NUDT3: variants seen among roughly 807,000 people sequenced by gnomAD.
NUDT3 encodes the protein diphosphoinositol polyphosphate phosphohydrolase 1.
A neutral mutation model predicts 23.6 loss-of-function variants in NUDT3; 9 were observed. The ratio of observed to expected loss-of-function variants is 0.38; its 90% CI spans 0.23 to 0.66. NUDT3 has a LOEUF of 0.66. Among genes scored for constraint, NUDT3 ranks in the 30% least tolerant of loss-of-function variants. NUDT3 has a pLI of 0.52. For synonymous variants in NUDT3, 86 were observed against 82.6 expected (o/e 1.04, Z -0.22); for missense variants, 172 against 218.5 (o/e 0.79, Z 1.34).
chr6:34,382,814 G>A (rs1463651449), intron 1 of NUDT3, among the ~76,000 whole-genome samples: 2 of 151,598 alleles, frequency 1.3e-5, no homozygotes, highest in Non-Finnish European at 1.5e-5. Context: ...CTGGATGACA[G>A]AGCAAGACCC....
intron 2 of NUDT3, among the ~76,000 whole-genome samples, chr6:34,323,976 TG>T (rs1763984667): frequency 6.6e-6 from 1 of 152,164 alleles, no homozygotes. Flanking sequence ...TAAGCTATAG[TG>T]GGCACTAGCT....
intron 2 of NUDT3, among the ~76,000 whole-genome samples, chr6:34,319,242 AATCT>A (rs1406743574): frequency 6.6e-6 from 1 of 152,142 alleles, no homozygotes; most frequent in African/African-American, 2.4e-5. Flanking sequence ...CTCAATTCTG[AATCT>A]ATCTACCGGA....
At chr6:34,387,673 TAAAAAAAAA>T (rs752125676) in intron 1 of NUDT3, among the ~76,000 whole-genome samples, 10 of 98,780 alleles carry the variant, frequency 1.0e-4, no homozygotes, top group South Asian at 6.2e-4. Flanking sequence ...CATCTCTTTT[TAAAAAAAAA>T]AAAAAAAAAA....
At chr6:34,385,358 C>T (rs1419355140) in intron 1 of NUDT3, among the ~76,000 whole-genome samples, 3 of 151,908 alleles carry the variant, frequency 2.0e-5, no homozygotes, top group East Asian at 1.9e-4. Flanking sequence ...GAGGCCGAGG[C>T]GGGCGGATCA....
At chr6:34,326,837 G>A (rs994116734) in intron 2 of NUDT3, among the ~76,000 whole-genome samples, 11 of 152,100 alleles carry the variant, frequency 7.2e-5, no homozygotes, top group Non-Finnish European at 1.3e-4. Context: ...CTAACCTCAG[G>A]TGATCCACCC....
chr6:34,358,258 TACAC>T (rs71538235), intron 1 of NUDT3, among the ~76,000 whole-genome samples: 499 of 144,646 alleles, frequency 3.4e-3, no homozygotes, highest in East Asian at 0.015. Context: ...ATGAGTAGTT[TACAC>T]ACACACACAC....
Position 34,282,113 on chromosome 6 carries a change from C to A in NUDT3, c.*6640G>T, listed in dbSNP as rs575652917. 5.9e-5 allele frequency: 9 copies of A among 152,298 alleles called. No individual in the cohort carries two copies. In the East Asian group the frequency reaches 1.7e-3, roughly 29 times the overall value. 9.4% of individuals were successfully genotyped at this position (152,298 alleles called of 1,614,324 possible). On this transcript the variant is annotated 3_prime_UTR_variant, in exon 5 of 5. Transcript: ENST00000607016. Reference sequence around the variant, plus strand: ...AGTCATATCTGTTATGCTGCAGGAACTGAGTAACCAAAGCTAGATATCCCT... The same window carrying A: ...AGTCATATCTGTTATGCTGCAGGAAATGAGTAACCAAAGCTAGATATCCCT...
At chr6:34,324,432 G>A (rs547281184) in intron 2 of NUDT3, among the ~76,000 whole-genome samples, 7 of 151,758 alleles carry the variant, frequency 4.6e-5, no homozygotes, top group Non-Finnish European at 8.8e-5. Flanking sequence ...TTTGAGATAG[G>A]GTCTCACTTG....
Position 34,392,654 on chromosome 6 carries a change from G to T in NUDT3, c.-292C>A, listed in dbSNP as rs1350840613. 4 of 211,454 alleles carry T rather than the reference G, an allele frequency of 1.9e-5. No homozygotes were observed. The South Asian group carries it at 6.2e-4, about 33-fold the overall frequency. 13.1% of individuals were successfully genotyped at this position (211,454 alleles called of 1,614,324 possible). A position where few individuals can be genotyped will look rare whatever the true frequency, so the allele number is the denominator to read the frequency against. ...ACGACCGCGCCGCCATCTTGGGCGC[G>T]ATGCGTCAGCGGCGTAAGGCTGCAC... On this transcript the variant is annotated 5_prime_UTR_variant, in exon 1 of 5. Coordinates refer to ENST00000607016, the MANE Select transcript of NUDT3 (RefSeq NM_006703.4).
intron 2 of NUDT3, among the ~76,000 whole-genome samples, chr6:34,316,218 G>C (rs1418995249): frequency 6.6e-6 from 1 of 152,012 alleles, no homozygotes; most frequent in African/African-American, 2.4e-5. Flanking sequence ...AACTAAAACC[G>C]TATCTATTTT....
intron 1 of NUDT3, among the ~76,000 whole-genome samples, chr6:34,371,640 A>G (rs1426761390): frequency 6.6e-6 from 1 of 152,208 alleles, no homozygotes; most frequent in Non-Finnish European, 1.5e-5. Flanking sequence ...GATTAGAAGA[A>G]TAGAGAATCA....
chr6:34,368,452 C>G (rs1764773902), intron 1 of NUDT3, among the ~76,000 whole-genome samples: 1 of 152,128 alleles, frequency 6.6e-6, no homozygotes, highest in African/African-American at 2.4e-5. Context: ...CATACAATCC[C>G]CTGGGCTCCA....
intron 1 of NUDT3, among the ~76,000 whole-genome samples, chr6:34,374,667 A>G (rs979885200): frequency 6.6e-6 from 1 of 152,114 alleles, no homozygotes; most frequent in African/African-American, 2.4e-5. Context: ...CTCCATTTCT[A>G]AAGCATTCGG....
chr6:34,333,495 C>T (rs1442198324), intron 2 of NUDT3, among the ~76,000 whole-genome samples: 3 of 152,202 alleles, frequency 2.0e-5, no homozygotes, highest in African/African-American at 7.2e-5. Context: ...TGGTGGACAT[C>T]TTTCAAGGAG....
intron 2 of NUDT3, among the ~76,000 whole-genome samples, chr6:34,312,744 A>G (rs541163804): frequency 6.6e-6 from 1 of 152,368 alleles, no homozygotes; most frequent in Admixed American, 6.5e-5. Flanking sequence ...ATAACTGCCA[A>G]AACTCGGAAG....
chr6:34,334,926 A>G (rs998722310), intron 2 of NUDT3, among the ~76,000 whole-genome samples: 2 of 149,646 alleles, frequency 1.3e-5, no homozygotes, highest in Non-Finnish European at 3.0e-5. Flanking sequence ...AAGAAAAAGA[A>G]AAAAAAAAAG....
intron 1 of NUDT3, among the ~76,000 whole-genome samples, chr6:34,373,941 G>A (rs1000842177): frequency 6.6e-6 from 1 of 152,016 alleles, no homozygotes; most frequent in African/African-American, 2.4e-5. Flanking sequence ...ATCATCTGAG[G>A]TCAGGAGTTT....
chr6:34,289,026 T>C, intron 4 of NUDT3, 95 bp from the exon 5 acceptor site: 1 of 1,392,348 alleles, frequency 7.2e-7, no homozygotes. Flanking sequence ...AAAGCAATGT[T>C]TCTTAACACT....
At chr6:34,351,226 A>AAAAAAAAC (rs1554154786) in intron 1 of NUDT3, among the ~76,000 whole-genome samples, 5 of 134,074 alleles carry the variant, frequency 3.7e-5, no homozygotes, top group African/African-American at 1.6e-4. Context: ...AAAAAAAAAA[A>AAAAAAAAC]CACTTTGGGA....
Sources: allele counts gnomAD v4.1 joint callset (sites outside exome capture counted in the v4.1 genomes callset), GRCh38; gene constraint gnomAD v4.1.1; transcripts MANE v1.5; gene names NCBI Gene and HGNC (gene_info 2026-07-23, HGNC 2026-07-21).